The following BCAR3 variants were observed in gnomAD, a reference collection of about 807,000 sequenced individuals.
BCAR3 encodes breast cancer anti-estrogen resistance protein 3.
A neutral mutation model predicts 80.1 loss-of-function variants in BCAR3; 37 were observed. The ratio of observed to expected loss-of-function variants is 0.46; its 90% CI spans 0.36 to 0.61. The LOEUF (loss-of-function observed/expected upper bound fraction) is 0.61. Among genes scored for constraint, BCAR3 ranks in the 20% least tolerant of loss-of-function variants. The pLI, the probability that BCAR3 is intolerant of heterozygous loss-of-function variation, is 0.00. For missense variants in BCAR3, 978 were observed against 1,068.2 expected (o/e 0.92, Z 1.18); for synonymous variants, 389 against 418.9 (o/e 0.93, Z 0.87).
intron 4 of BCAR3, 45 bp from the exon 5 acceptor site, chr1:93,589,464 C>A: frequency 6.6e-7 from 1 of 1,518,734 alleles, no homozygotes; most frequent in Non-Finnish European, 8.9e-7. Context: ...GGCAAATTCA[C>A]ATTCCTTCTA....
intron 2 of BCAR3, among the ~76,000 whole-genome samples, chr1:93,783,468 A>C (rs1164949739): frequency 6.6e-6 from 1 of 152,260 alleles, no homozygotes; most frequent in East Asian, 1.9e-4. Context: ...AGCTGTACAA[A>C]ATAGCAAAAA....
intron 2 of BCAR3, among the ~76,000 whole-genome samples, chr1:93,747,395 G>T (rs1470367516): frequency 1.3e-5 from 2 of 150,012 alleles, no homozygotes; most frequent in East Asian, 3.9e-4. Flanking sequence ...ACAGTATAGG[G>T]GCTACCCTCT....
intron 3 of BCAR3, among the ~76,000 whole-genome samples, chr1:93,624,235 T>C (rs1276419968): frequency 6.6e-6 from 1 of 152,206 alleles, no homozygotes; most frequent in African/African-American, 2.4e-5. Context: ...TTCTGCTATG[T>C]GGAAGGCCAC....
chr1:93,600,272 G>C (rs563460246), intron 3 of BCAR3, among the ~76,000 whole-genome samples: 265 of 152,310 alleles, frequency 1.7e-3, no homozygotes, highest in Non-Finnish European at 3.1e-3. Context: ...GCTGACCCAT[G>C]GCCCCTGACA....
At chr1:93,721,630 A>G (rs984629148) in intron 2 of BCAR3, among the ~76,000 whole-genome samples, 4 of 152,172 alleles carry the variant, frequency 2.6e-5, no homozygotes, top group Non-Finnish European at 5.9e-5. Flanking sequence ...CACATCTTCT[A>G]TCTGTGCTCC....
intron 2 of BCAR3, among the ~76,000 whole-genome samples, chr1:93,836,036 G>A (rs1480112348): frequency 6.6e-6 from 1 of 152,082 alleles, no homozygotes; most frequent in African/African-American, 2.4e-5. Flanking sequence ...TCAATCTTCA[G>A]GAAAGGTAAA....
At chr1:93,809,196 T>C (rs1372418476) in intron 2 of BCAR3, among the ~76,000 whole-genome samples, 2 of 152,172 alleles carry the variant, frequency 1.3e-5, no homozygotes, top group Non-Finnish European at 2.9e-5. Flanking sequence ...CTGAGAATAA[T>C]GATTTCACTA....
At chr1:93,662,207 G>A (rs920685328) in intron 2 of BCAR3, among the ~76,000 whole-genome samples, 5 of 152,180 alleles carry the variant, frequency 3.3e-5, no homozygotes, top group African/African-American at 1.2e-4. Flanking sequence ...CAACTCCGAT[G>A]GTCAGAATAT....
At position 93,567,753 on chromosome 1, in the gene BCAR3, C is replaced by T; in HGVS notation, c.2073G>A (p.Leu691=). 1 of 1,613,972 alleles carries T rather than the reference C, an allele frequency of 6.2e-7. No individual in the cohort carries two copies. ...EKQLKPFSKL[L]HEGRESTCVP... ...CCACGTGCTCACCTCTGCCTTCATG[C>T]AGGAGTTTGCTGAAGGGCTTCAGCT... is the stretch of plus-strand genomic sequence containing the variant. Residue 691 remains leucine (L), a synonymous_variant, in exon 10 of 12, where the codon CTG becomes CTA. Coordinates refer to ENST00000260502, the MANE Select transcript of BCAR3 (RefSeq NM_003567.4).
chr1:93,738,012 T>A (rs1442465374), intron 2 of BCAR3, among the ~76,000 whole-genome samples: 20 of 152,170 alleles, frequency 1.3e-4, no homozygotes, highest in Admixed American at 1.3e-3. Context: ...TTATTTTTAT[T>A]TTTTAAAGAC....
chr1:93,677,541 G>A (rs925258198), intron 1 of BCAR3, among the ~76,000 whole-genome samples: 2 of 152,192 alleles, frequency 1.3e-5, no homozygotes, highest in East Asian at 1.9e-4. Flanking sequence ...GGTTACTGAG[G>A]CTGATGGTGA....
intron 7 of BCAR3, among the ~76,000 whole-genome samples, chr1:93,576,451 G>A (rs1009896692): frequency 6.6e-5 from 10 of 152,200 alleles, no homozygotes; most frequent in South Asian, 2.1e-4. Flanking sequence ...GACACCGGCC[G>A]GATCCTGCTG....
intron 3 of BCAR3, among the ~76,000 whole-genome samples, chr1:93,699,100 C>T (rs1001350754): frequency 1.3e-5 from 2 of 152,162 alleles, no homozygotes; most frequent in Non-Finnish European, 2.9e-5. Context: ...TCTCCAACAA[C>T]CCTGTAAAAC....
At chr1:93,745,369 G>C (rs747306621) in intron 2 of BCAR3, among the ~76,000 whole-genome samples, 7 of 152,258 alleles carry the variant, frequency 4.6e-5, no homozygotes, top group Admixed American at 1.3e-4. Context: ...GAAGAGCAGA[G>C]GGGCCCATGG....
intron 3 of BCAR3, among the ~76,000 whole-genome samples, chr1:93,622,269 T>C (rs754984151): frequency 6.6e-6 from 1 of 152,192 alleles, no homozygotes; most frequent in African/African-American, 2.4e-5. Flanking sequence ...GAGAGGAGTA[T>C]TATTATCTCC....
At chr1:93,785,326 T>A (rs772260112) in intron 2 of BCAR3, among the ~76,000 whole-genome samples, 2 of 152,068 alleles carry the variant, frequency 1.3e-5, no homozygotes, top group Admixed American at 6.6e-5. Context: ...ATGTAATGAG[T>A]TAAGTGGTAA....
At chr1:93,576,833 G>A (rs1673478923) in intron 7 of BCAR3, among the ~76,000 whole-genome samples, 3 of 152,314 alleles carry the variant, frequency 2.0e-5, no homozygotes, top group Non-Finnish European at 4.4e-5. Flanking sequence ...ATGGAGAAGT[G>A]TTACAACTGA....
At chr1:93,600,916 C>G (rs1429094123) in intron 3 of BCAR3, among the ~76,000 whole-genome samples, 2 of 152,270 alleles carry the variant, frequency 1.3e-5, no homozygotes, top group African/African-American at 4.8e-5. Context: ...ACAGCGAGTG[C>G]CCAGTAGACA....
intron 4 of BCAR3, among the ~76,000 whole-genome samples, chr1:93,590,930 G>C (rs1044188419): frequency 3.9e-5 from 6 of 151,950 alleles, no homozygotes; most frequent in African/African-American, 1.5e-4. Flanking sequence ...AGTAGAATGG[G>C]CTACCAAAAA....
Sources: allele counts gnomAD v4.1 joint callset (sites outside exome capture counted in the v4.1 genomes callset), GRCh38; gene constraint gnomAD v4.1.1; transcripts MANE v1.5; gene names NCBI Gene and HGNC (gene_info 2026-07-23, HGNC 2026-07-21).